Variants in SERF2 observed in about 807,000 individuals in gnomAD.
SERF2 encodes gastric cancer-related protein VRG107.
Under a neutral mutation model 10.7 loss-of-function variants are expected in SERF2, and 4 were observed. The ratio of observed to expected loss-of-function variants is 0.37; its 90% confidence interval spans 0.18 to 0.86. The LOEUF is 0.86. Among genes scored for constraint, SERF2 ranks in the 40% least tolerant of loss-of-function variants. The probability of loss-of-function intolerance (pLI) is 0.43; values close to 1 mark genes in which losing one functional copy is unlikely to be tolerated. For missense variants in SERF2, 47 were observed against 79.1 expected, an observed-to-expected ratio of 0.59 and a Z score of 1.54; for synonymous variants, 26 against 26.0, an observed-to-expected ratio of 1.00 and a Z score of 0.01.
chr15:43,788,461 C>T (rs1366870505), upstream of SERF2, among the ~76,000 whole-genome samples: 1 of 152,140 alleles, frequency 6.6e-6, no homozygotes, highest in African/African-American at 2.4e-5. Context: ...TTGTAGAGAA[C>T]CACTTCTGAG....
chr15:43,784,798 G>C (rs2086992403), intron 1 of SERF2, among the ~76,000 whole-genome samples: 3 of 150,876 alleles, frequency 2.0e-5, no homozygotes, highest in Admixed American at 6.7e-5. Context: ...TGTCGCCCAA[G>C]TTGGAGTGTA....
Position 43,793,985 on chromosome 15 carries a change from T to A in SERF2, c.*212T>A, listed in dbSNP as rs1225796424. On this transcript the variant is annotated 3_prime_UTR_variant, in exon 3 of 3. Transcript: ENST00000249786. The stretch of plus-strand genomic sequence containing the variant: ...CTCCCGGGGGTGAGGGGGTTACCCC[T>A]TCCCAGTGTTTTTTATTCCTGTGGG... 1 of 1,504,430 alleles carries A rather than the reference T, an allele frequency of 6.6e-7. No homozygotes were observed. Among genetic ancestry groups the A allele is most frequent in the Non-Finnish European group, 8.9e-7 (1 of 1,127,268 alleles). The allele number at this position is 1,504,430 out of a possible 1,614,324, so 93.2% of individuals were successfully genotyped here. A position where few individuals can be genotyped will look rare whatever the true frequency, so the allele number is the denominator to read the frequency against.
chr15:43,794,190 A>AT lies in SERF2; in HGVS notation c.*419dup. 1.9e-6 allele frequency: 1 copy of AT among 531,776 alleles called. No individual in the cohort carries two copies. The highest frequency in any genetic ancestry group is 3.1e-5 in the East Asian group (1 of 32,782). The allele number at this position is 531,776 out of a possible 1,614,324, so 32.9% of individuals were successfully genotyped here. A position where few individuals can be genotyped will look rare whatever the true frequency, so the allele number is the denominator to read the frequency against. On this transcript the variant is annotated 3_prime_UTR_variant, in exon 3 of 3. Transcript: ENST00000249786. Reference sequence around the variant, plus strand: ...GTGAAACATCACAGAAGAAGCCTTTATTATACAATGACAACCAAACAAGTA... The same window carrying AT: ...GTGAAACATCACAGAAGAAGCCTTTATTTATACAATGACAACCAAACAAGTA...
intron 2 of SERF2, among the ~76,000 whole-genome samples, chr15:43,787,267 G>C (rs1201706808): frequency 6.6e-6 from 1 of 151,736 alleles, no homozygotes; most frequent in Non-Finnish European, 1.5e-5. Flanking sequence ...CCAAAGTGCT[G>C]GGATTACAGG....
chr15:43,785,704 C>CTTTTT (rs71415810), intron 2 of SERF2, among the ~76,000 whole-genome samples: 39 of 122,664 alleles, frequency 3.2e-4, no homozygotes, highest in Non-Finnish European at 4.2e-4. Context: ...TTTTCTTTTT[C>CTTTTT]TTTTTTTTTT....
chr15:43,786,186 C>T (rs964250704), intron 2 of SERF2, among the ~76,000 whole-genome samples: 1 of 151,866 alleles, frequency 6.6e-6, no homozygotes, highest in Non-Finnish European at 1.5e-5. Context: ...GAGGCTGAGG[C>T]AGGCAGATCA....
Position 43,793,987 on chromosome 15 carries a change from C to A in SERF2, c.*214C>A, listed in dbSNP as rs981889401. On this transcript the variant is annotated 3_prime_UTR_variant, in exon 3 of 3. Transcript: ENST00000249786. Reference sequence around the variant, plus strand: ...CCCGGGGGTGAGGGGGTTACCCCTTCCCAGTGTTTTTTATTCCTGTGGGGC... The same window carrying A: ...CCCGGGGGTGAGGGGGTTACCCCTTACCAGTGTTTTTTATTCCTGTGGGGC... The A allele has an allele frequency of 6.7e-7, 1 of 1,503,690 alleles. No homozygotes were observed. The highest frequency in any genetic ancestry group is 8.9e-7 in the Non-Finnish European group (1 of 1,126,598). The allele number at this position is 1,503,690 out of a possible 1,614,324, so 93.1% of individuals were successfully genotyped here.
Position 43,794,016 on chromosome 15 carries a change from C to G in SERF2, c.*243C>G. 6.9e-7 allele frequency: 1 copy of G among 1,447,988 alleles called. No homozygotes were observed. Among genetic ancestry groups the G allele is most frequent in the Non-Finnish European group, 9.1e-7 (1 of 1,098,978 alleles). 89.7% of individuals were successfully genotyped at this position (1,447,988 alleles called of 1,614,324 possible). Reference sequence around the variant, plus strand: ...GTGTTTTTTATTCCTGTGGGGCTCACCCCAAAGTATTAAAAGTAGCTTTGT... The same window carrying G: ...GTGTTTTTTATTCCTGTGGGGCTCAGCCCAAAGTATTAAAAGTAGCTTTGT... On this transcript the variant is annotated 3_prime_UTR_variant, in exon 3 of 3. Coordinates refer to ENST00000249786, the MANE Select transcript of SERF2 (RefSeq NM_001018108.4).
intron 1 of SERF2, among the ~76,000 whole-genome samples, chr15:43,785,104 T>C (rs2141670751): frequency 6.7e-6 from 1 of 150,126 alleles, no homozygotes; most frequent in East Asian, 2.0e-4. Context: ...AGTCTCACTC[T>C]GCTGCCCAGG....
chr15:43,781,397 A>G (rs886705786), intron 1 of SERF2, among the ~76,000 whole-genome samples: 2 of 151,980 alleles, frequency 1.3e-5, no homozygotes, highest in African/African-American at 4.8e-5. Flanking sequence ...TCTACTAAAA[A>G]CACAAAAATT....
At chr15:43,786,071 A>G (rs1056388106) in intron 2 of SERF2, among the ~76,000 whole-genome samples, 1 of 151,610 alleles carries the variant, frequency 6.6e-6, no homozygotes, top group Non-Finnish European at 1.5e-5. Flanking sequence ...GTTTTCTCCA[A>G]CGCTTGGTGA....
Position 43,793,823 on chromosome 15 carries a change from G to C in SERF2, c.*50G>C. 6.2e-7 allele frequency: 1 copy of C among 1,614,148 alleles called. No individual in the cohort carries two copies. The highest frequency in any genetic ancestry group is 1.1e-5 in the South Asian group (1 of 91,078). ...CTTGCCCTTCGCCTGTGTGCCTGGA[G>C]CCAGTCCCACCACGCTCGCGTTTCC... On this transcript the variant is annotated 3_prime_UTR_variant, in exon 3 of 3. Coordinates refer to ENST00000249786, the MANE Select transcript of SERF2 (RefSeq NM_001018108.4).
At chr15:43,792,485 C>T (rs1466066088) in intron 1 of SERF2, 102 bp downstream of exon 1, 12 of 1,599,466 alleles carry the variant, frequency 7.5e-6, no homozygotes, top group Non-Finnish European at 1.0e-5. Context: ...CCTAGCAAGG[C>T]GTTTCTCTGG....
upstream of SERF2, chr15:43,792,044 G>C (rs543767718): frequency 1.0e-5 from 5 of 481,952 alleles, no homozygotes; most frequent in Admixed American, 3.3e-5. Flanking sequence ...GCTCGAGCCC[G>C]CGGGAGCGCC....
intron 2 of SERF2, among the ~76,000 whole-genome samples, chr15:43,786,762 G>T (rs1046188595): frequency 1.3e-5 from 2 of 152,166 alleles, no homozygotes; most frequent in South Asian, 4.1e-4. Flanking sequence ...CTACTCATTT[G>T]CTTCAACCTA....
intron 1 of SERF2, among the ~76,000 whole-genome samples, chr15:43,780,911 G>A (rs2086959268): frequency 6.6e-6 from 1 of 151,926 alleles, no homozygotes; most frequent in South Asian, 2.1e-4. Context: ...GGGGAGATTT[G>A]TTCTTACCTT....
chr15:43,793,686 G>A (rs879249287), intron 2 of SERF2, 24 bp from the exon 3 acceptor site: 2 of 1,614,086 alleles, frequency 1.2e-6, no homozygotes, highest in South Asian at 2.2e-5. Context: ...GTACCTCCCA[G>A]TGCCCCATCA....
intron 1 of SERF2, among the ~76,000 whole-genome samples, chr15:43,782,117 G>A (rs542901369): frequency 6.6e-6 from 1 of 151,986 alleles, no homozygotes; most frequent in South Asian, 2.1e-4. Context: ...TTGAACTCCT[G>A]ACCTCAGGTG....
upstream of SERF2, among the ~76,000 whole-genome samples, chr15:43,789,018 G>A (rs1213021015): frequency 2.0e-5 from 3 of 151,780 alleles, no homozygotes; most frequent in Non-Finnish European, 2.9e-5. Context: ...GCGTAGTGGC[G>A]GGCGCCTGTA....
Sources: gnomAD v4.1 joint callset for allele counts (sites outside exome capture counted in the v4.1 genomes callset) on GRCh38, gnomAD v4.1.1 for gene constraint, MANE v1.5 for transcripts, NCBI Gene and HGNC (gene_info 2026-07-23, HGNC 2026-07-21) for gene names.